Variants in CYFIP2 observed in about 807,000 individuals in gnomAD.
CYFIP2 encodes cytoplasmic FMR1-interacting protein 2.
In CYFIP2, 29 loss-of-function variants were observed where a neutral mutation model predicts 158.7. The observed-to-expected ratio is 0.18, with a 90% CI of 0.14 to 0.25. CYFIP2 has a LOEUF of 0.25. Ranked by LOEUF, CYFIP2 falls within the 10% of genes least tolerant of loss-of-function variation. CYFIP2 has a pLI of 1.00. For missense variants in CYFIP2, 852 were observed against 1,639.5 expected (o/e 0.52, Z 8.29); for synonymous variants, 585 against 617.6 (o/e 0.95, Z 0.78).
chr5:157,338,104 C>T (rs968479080), intron 21 of CYFIP2, among the ~76,000 whole-genome samples: 3 of 152,202 alleles, frequency 2.0e-5, no homozygotes, highest in African/African-American at 7.2e-5. Context: ...ATAGCAGTGG[C>T]GGGGAAGTTG....
rs140760388 is a variant in CYFIP2, at chr5:157,290,318, G to A, written c.207+3210G>A. 2.0e-5 allele frequency among the ~76,000 whole-genome samples: 3 copies of A among 152,300 alleles called. No individual in the cohort carries two copies. In the East Asian group the frequency reaches 5.8e-4, roughly 29 times the overall value. The stretch of plus-strand genomic sequence containing the variant: ...TTCTGCAGGCTCCAGGAGAAAGTCT[G>A]TTCCCTTGCCTTTTCCAGCTTCTAG... On this transcript the variant is annotated intron_variant, in intron 3 of 30. Transcript: ENST00000620254.
rs192120153 is a variant in CYFIP2, at chr5:157,329,358, T to C, written c.2156+1309T>C. Among the ~76,000 whole-genome samples, 22 of 152,342 alleles carry C rather than the reference T, an allele frequency of 1.4e-4. 1 individual carries two copies. The highest frequency in any genetic ancestry group is 2.6e-4 in the Non-Finnish European group (18 of 68,036). On this transcript the variant is annotated intron_variant, in intron 19 of 30. Coordinates refer to ENST00000620254, the MANE Select transcript of CYFIP2 (RefSeq NM_001037333.3). ...TGTTCCATCATCTATATAAACAGAC[T>C]CAGGCGTGTCGAACCCTGGGTCTTC...
chr5:157,343,023 C>G (rs1762396056), intron 23 of CYFIP2: 1 of 1,614,222 alleles, frequency 6.2e-7, no homozygotes, highest in Admixed American at 1.7e-5. Flanking sequence ...AGGTCTTCCT[C>G]CCTCTGACCA....
intron 1 of CYFIP2, among the ~76,000 whole-genome samples, chr5:157,278,599 T>C (rs1235733257): frequency 1.3e-5 from 2 of 152,224 alleles, no homozygotes; most frequent in African/African-American, 4.8e-5. Context: ...ACCTGCTGAA[T>C]TGAATTTGCA....
At chr5:157,276,823 G>A (rs1756581981) in intron 1 of CYFIP2, among the ~76,000 whole-genome samples, 1 of 152,056 alleles carries the variant, frequency 6.6e-6, no homozygotes, top group Non-Finnish European at 1.5e-5. Context: ...CTGTGTTTAT[G>A]TTCATTACTA....
chr5:157,304,010 A>C (rs1456256612), intron 7 of CYFIP2, among the ~76,000 whole-genome samples: 1 of 152,128 alleles, frequency 6.6e-6, no homozygotes, highest in African/African-American at 2.4e-5. Context: ...TGGGAATAAA[A>C]TAGGGGGTGA....
intron 23 of CYFIP2, among the ~76,000 whole-genome samples, chr5:157,354,647 A>C (rs1763293721): frequency 6.6e-6 from 1 of 152,004 alleles, no homozygotes; most frequent in African/African-American, 2.4e-5. Flanking sequence ...GGTCCTTCTC[A>C]CATGAAATGC....
intron 11 of CYFIP2, among the ~76,000 whole-genome samples, chr5:157,312,734 C>A (rs558146665): frequency 6.6e-6 from 1 of 152,230 alleles, no homozygotes; most frequent in South Asian, 2.1e-4. Context: ...TAGACCATGA[C>A]TTGTGGTCAT....
At chr5:157,323,394 C>T (rs1328315696) in intron 15 of CYFIP2, among the ~76,000 whole-genome samples, 3 of 152,176 alleles carry the variant, frequency 2.0e-5, no homozygotes, top group Non-Finnish European at 4.4e-5. Flanking sequence ...TCCCATTTCT[C>T]AGTTCCTCAG....
intron 22 of CYFIP2, among the ~76,000 whole-genome samples, 170 bp downstream of exon 22, chr5:157,339,426 T>G (rs1762086361): frequency 6.6e-6 from 1 of 150,824 alleles, no homozygotes; most frequent in South Asian, 2.1e-4. Flanking sequence ...GTCATAGAGC[T>G]GGTTGACAGT....
At chr5:157,307,655 G>GTGTGTGTGTA (rs775613889) in intron 8 of CYFIP2, 106 bp from the exon 9 acceptor site, 106 of 613,942 alleles carry the variant, frequency 1.7e-4, no homozygotes, top group Middle Eastern at 1.2e-3. Flanking sequence ...GTGTGTGTGT[G>GTGTGTGTGTA]TATGTGTGTG....
intron 15 of CYFIP2, 84 bp from the exon 16 acceptor site, chr5:157,323,837 A>G (rs1760800885): frequency 1.4e-6 from 2 of 1,385,132 alleles, no homozygotes; most frequent in Non-Finnish European, 1.9e-6. Flanking sequence ...AAAAAAAAAA[A>G]TACATAAATA....
At chr5:157,354,172 A>T (rs1763259065) in intron 23 of CYFIP2, among the ~76,000 whole-genome samples, 1 of 152,160 alleles carries the variant, frequency 6.6e-6, no homozygotes, top group African/African-American at 2.4e-5. Context: ...CAGTAATAAC[A>T]TGGCTCTAAT....
In CYFIP2 at chr5:157,315,013, G is replaced by A; in HGVS notation, c.1275G>A (p.Lys425=). The change falls in exon 13 of 31, where the codon AAG becomes AAA. Residue 425 remains lysine, a synonymous_variant. Transcript: ENST00000620254. ...LVHPTDKFCN[K]DCPGTAEEYE... ...ATCCCACAGACAAGTTCTGCAACAA[G>A]GACTGTCCTGGCACCGCGGAGGAAT... 5 of 1,602,090 alleles carry A rather than the reference G, an allele frequency of 3.1e-6. No homozygotes were observed. The highest frequency in any genetic ancestry group is 4.3e-6 in the Non-Finnish European group (5 of 1,174,334).
Position 157,266,823 on chromosome 5 carries a change from G to C in CYFIP2, c.-24+628G>C, listed in dbSNP as rs1273709354. The C allele has an allele frequency of 6.5e-6, 1 of 152,822 alleles. No individual in the cohort carries two copies. The highest frequency in any genetic ancestry group is 1.5e-5 in the Non-Finnish European group (1 of 68,410). The allele number at this position is 152,822 out of a possible 1,614,324, so 9.5% of individuals were successfully genotyped here. A position where few individuals can be genotyped will look rare whatever the true frequency, so the allele number is the denominator to read the frequency against. ...TAGCATCGCTCACCAAGCTGGCTGCGGGCACGGTGGAAGTGGGGGAAGGGG... is the reference window on the plus strand; with the variant it reads ...TAGCATCGCTCACCAAGCTGGCTGCCGGCACGGTGGAAGTGGGGGAAGGGG... On this transcript the variant is annotated intron_variant, in intron 1 of 30. Transcript: ENST00000620254. The surrounding 1 kb of genome is among the most constrained non-coding windows in gnomAD (Gnocchi z 4.2).
At chr5:157,375,852 G>T (rs577887818) in intron 26 of CYFIP2, 2 of 151,982 alleles carry the variant, frequency 1.3e-5, no homozygotes, top group African/African-American at 4.8e-5. Flanking sequence ...AGTCTCCAGC[G>T]CTTAAGAAGC....
chr5:157,268,206 A>G (rs573884867), intron 1 of CYFIP2, among the ~76,000 whole-genome samples: 82 of 152,310 alleles, frequency 5.4e-4, no homozygotes, highest in African/African-American at 1.9e-3. Context: ...CTTCTTTATT[A>G]TATTTCCTGG....
intron 20 of CYFIP2, among the ~76,000 whole-genome samples, chr5:157,332,452 CT>C (rs1176424702): frequency 1.3e-5 from 2 of 152,188 alleles, no homozygotes; most frequent in Admixed American, 6.5e-5. Flanking sequence ...CATTTCACCC[CT>C]GAATGCTTCA....
At chr5:157,374,659 GCA>G (rs1765295610) in intron 26 of CYFIP2, among the ~76,000 whole-genome samples, 1 of 152,184 alleles carries the variant, frequency 6.6e-6, no homozygotes, top group Non-Finnish European at 1.5e-5. Context: ...CTGGTCAGAT[GCA>G]CAGTCCTGTA....
Sources: gnomAD v4.1 joint callset for allele counts (sites outside exome capture counted in the v4.1 genomes callset) on GRCh38, gnomAD v4.1.1 for gene constraint, Gnocchi (gnomAD v3.1) non-coding constraint, MANE v1.5 for transcripts, NCBI Gene and HGNC (gene_info 2026-07-23, HGNC 2026-07-21) for gene names.